The following CCDC85A variants were observed in gnomAD, a reference collection of about 807,000 sequenced individuals.
The protein encoded by CCDC85A is coiled-coil domain-containing protein 85A.
CCDC85A carries 38 observed loss-of-function variants against 50.2 expected under a neutral mutation model. The ratio of observed to expected loss-of-function variants is 0.76; its 90% CI spans 0.58 to 0.99. The LOEUF (loss-of-function observed/expected upper bound fraction) is 0.99, where lower values mean the gene tolerates loss of function less well. Among genes scored for constraint, CCDC85A ranks in the 50% least tolerant of loss-of-function variants. The pLI, the probability that CCDC85A is intolerant of heterozygous loss-of-function variation, is 0.00. For missense variants in CCDC85A, 820 were observed against 742.0 expected (o/e 1.11, Z -1.22); for synonymous variants, 366 against 301.4 (o/e 1.21, Z -2.22).
At chr2:56,348,919 T>C (rs1674763103) in intron 3 of CCDC85A, among the ~76,000 whole-genome samples, 1 of 152,180 alleles carries the variant, frequency 6.6e-6, no homozygotes, top group Admixed American at 6.6e-5. Flanking sequence ...GGGCCATAGA[T>C]TTATGGCTCT....
intron 2 of CCDC85A, among the ~76,000 whole-genome samples, chr2:56,317,746 A>G (rs888490520): frequency 2.0e-5 from 3 of 152,080 alleles, no homozygotes; most frequent in Non-Finnish European, 1.5e-5. Flanking sequence ...AATGAAAATG[A>G]TTTTTTAAAC....
At chr2:56,380,225 C>A (rs529139986) in intron 5 of CCDC85A, among the ~76,000 whole-genome samples, 77 of 152,180 alleles carry the variant, frequency 5.1e-4, no homozygotes, top group African/African-American at 1.5e-3. Context: ...AATACAGCCA[C>A]CTTTAGATTT....
At chr2:56,345,392 A>G (rs1674586489) in intron 3 of CCDC85A, among the ~76,000 whole-genome samples, 1 of 152,186 alleles carries the variant, frequency 6.6e-6, no homozygotes, top group Non-Finnish European at 1.5e-5. Context: ...TTAGTTATTT[A>G]TTTGTCAAAG....
intron 3 of CCDC85A, among the ~76,000 whole-genome samples, chr2:56,361,428 C>A (rs1675522006): frequency 1.3e-5 from 2 of 152,110 alleles, no homozygotes; most frequent in South Asian, 4.1e-4. Context: ...CTGTCTCATG[C>A]AGCTTACATT....
At chr2:56,361,474 A>G (rs1048040322) in intron 3 of CCDC85A, among the ~76,000 whole-genome samples, 1 of 152,336 alleles carries the variant, frequency 6.6e-6, no homozygotes, top group Non-Finnish European at 1.5e-5. Flanking sequence ...AACCATAAAT[A>G]TGTAATACAT....
chr2:56,302,103 A>G (rs2104193134), intron 2 of CCDC85A, among the ~76,000 whole-genome samples: 1 of 152,034 alleles, frequency 6.6e-6, no homozygotes, highest in South Asian at 2.1e-4. Flanking sequence ...TAAAAATACA[A>G]AAATTACCCG....
intron 2 of CCDC85A, among the ~76,000 whole-genome samples, chr2:56,333,882 A>C (rs1346808061): frequency 6.6e-6 from 1 of 152,216 alleles, no homozygotes; most frequent in Non-Finnish European, 1.5e-5. Flanking sequence ...TAAGCAGTGG[A>C]GGAAGGTGAC....
intron 2 of CCDC85A, among the ~76,000 whole-genome samples, chr2:56,212,639 T>A (rs1037675964): frequency 6.6e-6 from 1 of 152,052 alleles, no homozygotes; most frequent in African/African-American, 2.4e-5. Context: ...TTAAATACAA[T>A]CCTCATTGGT....
intron 2 of CCDC85A, among the ~76,000 whole-genome samples, chr2:56,322,150 G>T (rs1673232594): frequency 1.3e-5 from 2 of 152,274 alleles, no homozygotes; most frequent in Admixed American, 6.5e-5. Flanking sequence ...ATTCAAGATG[G>T]ATTAAAGACT....
rs182331408 is a variant in CCDC85A at position 56,225,471 on chromosome 2, C to T, written c.1240+32031C>T. 4.6e-5 allele frequency among the ~76,000 whole-genome samples: 7 copies of T among 152,212 alleles called. No homozygotes were observed. The East Asian group carries it at 1.4e-3, about 29-fold the overall frequency. ...TAAATGTCGGGGTTTATTTCTGACT[C>T]TTTATTCCATTTCATTGACCTATAT... On this transcript the variant is annotated intron_variant, in intron 2 of 5. Transcript: ENST00000407595.
chr2:56,186,004 G>A (rs1676023444), intron 1 of CCDC85A, among the ~76,000 whole-genome samples: 1 of 152,176 alleles, frequency 6.6e-6, no homozygotes, highest in African/African-American at 2.4e-5. Flanking sequence ...TGCTGTTCCG[G>A]AATTGCCTCA....
At chr2:56,353,990 A>G (rs73940683) in intron 3 of CCDC85A, among the ~76,000 whole-genome samples, 2,034 of 152,272 alleles carry the variant, frequency 0.013, 47 homozygotes, top group African/African-American at 0.045. Context: ...TGAGTTCATG[A>G]ACTAATGTGA....
intron 5 of CCDC85A, among the ~76,000 whole-genome samples, chr2:56,379,265 G>C (rs1676475038): frequency 6.6e-6 from 1 of 152,158 alleles, no homozygotes; most frequent in Non-Finnish European, 1.5e-5. Context: ...TGCGAGGTCA[G>C]TAGTTCTTAC....
chr2:56,238,332 A>G (rs1312720634), intron 2 of CCDC85A, among the ~76,000 whole-genome samples: 4 of 151,500 alleles, frequency 2.6e-5, no homozygotes, highest in African/African-American at 9.7e-5. Flanking sequence ...CAGGAGAATC[A>G]CTTGAACCCG....
intron 2 of CCDC85A, among the ~76,000 whole-genome samples, chr2:56,332,139 A>C (rs2104295300): frequency 6.6e-6 from 1 of 152,358 alleles, no homozygotes. Context: ...TGTAACCAAA[A>C]GAGAACCTTA....
intron 2 of CCDC85A, among the ~76,000 whole-genome samples, chr2:56,195,840 G>A (rs1573007860): frequency 6.6e-6 from 1 of 152,138 alleles, no homozygotes; most frequent in Non-Finnish European, 1.5e-5. Context: ...TGAACAAAAA[G>A]CATGTGAAAA....
Position 56,384,195 on chromosome 2 carries a change from C to T in CCDC85A, c.1573-71C>T, listed in dbSNP as rs1676720769. On this transcript the variant is annotated intron_variant, in intron 5 of 5. Transcript: ENST00000407595. ...TCATCTTCGCTCCTCTCTTAATTTA[C>T]CCTTAAGAAATGCAAATCTCCTTGT... 4 of 1,347,196 alleles carry T rather than the reference C, an allele frequency of 3.0e-6. No homozygotes were observed. The East Asian group carries it at 6.9e-5, about 23-fold the overall frequency. The allele number at this position is 1,347,196 out of a possible 1,614,324, so 83.5% of individuals were successfully genotyped here.
At chr2:56,282,642 TG>T (rs1671254704) in intron 2 of CCDC85A, among the ~76,000 whole-genome samples, 1 of 152,242 alleles carries the variant, frequency 6.6e-6, no homozygotes, top group Non-Finnish European at 1.5e-5. Flanking sequence ...CCCAGGTAGC[TG>T]GGATTACAGG....
intron 1 of CCDC85A, among the ~76,000 whole-genome samples, chr2:56,186,922 A>G (rs1676073819): frequency 6.6e-6 from 1 of 152,170 alleles, no homozygotes; most frequent in Admixed American, 6.5e-5. Flanking sequence ...TTCCTTATCA[A>G]GTTCAGAAAT....
Sources: gnomAD v4.1 joint callset for allele counts (sites outside exome capture counted in the v4.1 genomes callset) on GRCh38, gnomAD v4.1.1 for gene constraint, MANE v1.5 for transcripts, NCBI Gene and HGNC (gene_info 2026-07-23, HGNC 2026-07-21) for gene names.